The following PTPRZ1 variants were observed in gnomAD, a reference collection of about 807,000 sequenced individuals.
PTPRZ1 encodes receptor-type tyrosine-protein phosphatase zeta.
A neutral mutation model predicts 214.1 loss-of-function variants in PTPRZ1; 82 were observed. That is an observed-to-expected ratio of 0.38 (90% CI 0.32 to 0.46). PTPRZ1 has a LOEUF of 0.46. Ranked by LOEUF, PTPRZ1 falls within the 20% of genes least tolerant of loss-of-function variation. The probability of loss-of-function intolerance (pLI) is 1.00; values close to 1 mark genes in which losing one functional copy is unlikely to be tolerated. For synonymous variants in PTPRZ1, 945 were observed against 987.9 expected, an observed-to-expected ratio of 0.96 and a Z score of 0.81; for missense variants, 2,603 against 2,748.7, an observed-to-expected ratio of 0.95 and a Z score of 1.19.
intron 10 of PTPRZ1, among the ~76,000 whole-genome samples, chr7:122,002,639 A>C (rs183191171): frequency 2.7e-3 from 414 of 152,348 alleles, no homozygotes; most frequent in Non-Finnish European, 4.6e-3. Flanking sequence ...ATAGTTATAC[A>C]TACCCTTCCC....
chr7:121,993,593 A>AAC (rs1562850096), intron 8 of PTPRZ1, among the ~76,000 whole-genome samples: 8 of 150,512 alleles, frequency 5.3e-5, no homozygotes, highest in African/African-American at 2.0e-4. Context: ...AAAAAAAAAA[A>AAC]ACACAAAACA....
intron 8 of PTPRZ1, among the ~76,000 whole-genome samples, chr7:121,994,289 C>CTTTTTTTTTTTTTTTTT (rs35332072): frequency 1.3e-5 from 1 of 75,346 alleles, no homozygotes; most frequent in Non-Finnish European, 2.2e-5. Context: ...TAATGCATTT[C>CTTTTTTTTTTTTTTTTT]TTTTTTTTTT....
chr7:121,929,756 C>T (rs1315687079), intron 2 of PTPRZ1, among the ~76,000 whole-genome samples: 1 of 150,660 alleles, frequency 6.6e-6, no homozygotes, highest in East Asian at 1.9e-4. Flanking sequence ...TGCAGTGAGC[C>T]GAGATCACGC....
chr7:122,048,329 A>G (rs1792063459), intron 23 of PTPRZ1, among the ~76,000 whole-genome samples: 1 of 152,128 alleles, frequency 6.6e-6, no homozygotes, highest in African/African-American at 2.4e-5. Context: ...TGATGAAGGG[A>G]GGAAAGAATG....
At chr7:122,036,357 T>A (rs746130267) in intron 17 of PTPRZ1, among the ~76,000 whole-genome samples, 5 of 152,232 alleles carry the variant, frequency 3.3e-5, no homozygotes, top group Admixed American at 6.5e-5. Context: ...CACCTCTCAC[T>A]TGACACCTGT....
At chr7:121,909,690 G>T (rs1242866143) in intron 1 of PTPRZ1, among the ~76,000 whole-genome samples, 1 of 152,086 alleles carries the variant, frequency 6.6e-6, no homozygotes, top group African/African-American at 2.4e-5. Flanking sequence ...TAGGTTTGGA[G>T]AGAATAGAAC....
chr7:121,975,634 C>A (rs1456095410), intron 4 of PTPRZ1, among the ~76,000 whole-genome samples: 1 of 152,108 alleles, frequency 6.6e-6, no homozygotes, highest in African/African-American at 2.4e-5. Flanking sequence ...GGAGAAGCAC[C>A]AAATTATATA....
At chr7:121,940,787 T>C (rs1437684934) in intron 2 of PTPRZ1, among the ~76,000 whole-genome samples, 2 of 151,326 alleles carry the variant, frequency 1.3e-5, no homozygotes, top group Non-Finnish European at 2.9e-5. Flanking sequence ...TATATGATTC[T>C]CCCCATCACC....
intron 1 of PTPRZ1, among the ~76,000 whole-genome samples, chr7:121,890,450 C>T (rs981119561): frequency 6.6e-6 from 1 of 152,124 alleles, no homozygotes; most frequent in Non-Finnish European, 1.5e-5. Flanking sequence ...TCCACACTTG[C>T]ATCATGTCTT....
At chr7:121,909,701 T>A (rs951712575) in intron 1 of PTPRZ1, among the ~76,000 whole-genome samples, 1 of 152,192 alleles carries the variant, frequency 6.6e-6, no homozygotes, top group African/African-American at 2.4e-5. Context: ...AGAATAGAAC[T>A]ATTTAAGTTA....
Position 122,051,475 on chromosome 7 carries a change from A to G in PTPRZ1, c.6132A>G (p.Leu2044=). The change falls in exon 24 of 30, where the codon CTA becomes CTG. Residue 2044 remains leucine, a synonymous_variant. Transcript: ENST00000393386. ...NIQQSDYSAA[L]KQCNREKNRT... is the part of the protein sequence containing the mutation. The stretch of plus-strand genomic sequence containing the variant: ...AGCAGAGTGACTATTCTGCAGCCCT[A>G]AAGCAATGCAACAGGGAAAAGAATC... 1.2e-6 allele frequency: 2 copies of G among 1,613,786 alleles called. No individual in the cohort carries two copies. The highest frequency in any genetic ancestry group is 1.7e-6 in the Non-Finnish European group (2 of 1,179,770).
At chr7:122,022,630 G>A (rs535800653) in intron 13 of PTPRZ1, among the ~76,000 whole-genome samples, 1 of 152,124 alleles carries the variant, frequency 6.6e-6, no homozygotes, top group Non-Finnish European at 1.5e-5. Flanking sequence ...TTTCATGATG[G>A]TATCTTTTTT....
rs144914699 is a variant in PTPRZ1, at chr7:122,006,722, GA to G, written c.1287+2071del. 3.7e-3 allele frequency among the ~76,000 whole-genome samples: 552 copies of G among 149,926 alleles called. 1 individual carries two copies. The highest frequency in any genetic ancestry group is 6.5e-3 in the Non-Finnish European group (437 of 67,362). On this transcript the variant is annotated intron_variant, in intron 11 of 29. Transcript: ENST00000393386. The stretch of plus-strand genomic sequence containing the variant: ...TCAGAGAAAAGTTCCTAGATAGGAG[GA>G]AAAAAAAAGCCTCAGTGCATCAGCC...
intron 20 of PTPRZ1, 74 bp from the exon 21 acceptor site, chr7:122,040,742 G>A (rs1338999151): frequency 1.9e-5 from 6 of 317,378 alleles, no homozygotes; most frequent in African/African-American, 1.6e-4. Context: ...GTGTGTGTGT[G>A]TGTGTGTGTG....
chr7:121,923,476 A>G (rs1397955234), intron 1 of PTPRZ1, among the ~76,000 whole-genome samples: 1 of 152,070 alleles, frequency 6.6e-6, no homozygotes, highest in Admixed American at 6.6e-5. Flanking sequence ...TATTACAGTA[A>G]TATTTTGGCC....
At chr7:121,970,170 G>A (rs977286586) in intron 3 of PTPRZ1, among the ~76,000 whole-genome samples, 75 of 152,072 alleles carry the variant, frequency 4.9e-4, no homozygotes, top group African/African-American at 1.2e-3. Context: ...CATGGTGTAT[G>A]TGTGCCACAT....
chr7:121,891,481 T>TTA (rs869127605), intron 1 of PTPRZ1, among the ~76,000 whole-genome samples: 1 of 126,696 alleles, frequency 7.9e-6, no homozygotes, highest in African/African-American at 3.1e-5. Flanking sequence ...TTTTTTTTTT[T>TTA]AGTTTGATTT....
chr7:122,058,686 A>G (rs374085556), intron 27 of PTPRZ1, 114 bp from the exon 28 acceptor site: 25 of 791,134 alleles, frequency 3.2e-5, no homozygotes, highest in East Asian at 1.1e-4. Context: ...ACTGCTGCTC[A>G]CTCATGCCTG....
chr7:122,004,981 A>C (rs908623726), intron 11 of PTPRZ1, among the ~76,000 whole-genome samples: 1 of 151,986 alleles, frequency 6.6e-6, no homozygotes, highest in African/African-American at 2.4e-5. Context: ...TAGTCTCCAA[A>C]TTTTTCTGAA....
Sources: allele counts gnomAD v4.1 joint callset (sites outside exome capture counted in the v4.1 genomes callset), GRCh38; gene constraint gnomAD v4.1.1; transcripts MANE v1.5; gene names NCBI Gene and HGNC (gene_info 2026-07-23, HGNC 2026-07-21).